The following MPDZ variants were observed in gnomAD, a reference collection of about 807,000 sequenced individuals.
MPDZ encodes the protein multiple PDZ domain protein.
In MPDZ, 234 loss-of-function variants were observed where a neutral mutation model predicts 239.1. The ratio of observed to expected loss-of-function variants is 0.98; its 90% CI spans 0.88 to 1.09. The LOEUF (loss-of-function observed/expected upper bound fraction) is 1.09, where lower values mean the gene tolerates loss of function less well. Among genes scored for constraint, MPDZ ranks in the 50% least tolerant of loss-of-function variants. MPDZ has a pLI of 0.00. For missense variants in MPDZ, 3,175 were observed against 2,510.0 expected, an observed-to-expected ratio of 1.26 and a Z score of -5.66; for synonymous variants, 1,048 against 881.3, an observed-to-expected ratio of 1.19 and a Z score of -3.35.
chr9:13,180,546 GA>G (rs201698893), intron 19 of MPDZ, among the ~76,000 whole-genome samples: 38 of 149,890 alleles, frequency 2.5e-4, no homozygotes, highest in South Asian at 4.2e-4. Flanking sequence ...ATCAAAATAG[GA>G]AAAAAAAATG....
chr9:13,195,852 A>G (rs1205944583), intron 13 of MPDZ, among the ~76,000 whole-genome samples: 1 of 152,152 alleles, frequency 6.6e-6, no homozygotes, highest in Non-Finnish European at 1.5e-5. Context: ...CCTTGTGTCT[A>G]TATTATTCAT....
intron 1 of MPDZ, among the ~76,000 whole-genome samples, chr9:13,277,894 G>A (rs1282123113): frequency 1.3e-5 from 2 of 152,048 alleles, no homozygotes; most frequent in Non-Finnish European, 2.9e-5. Context: ...AAACACTATT[G>A]TTTGCCAAAA....
chr9:13,196,325 T>C, intron 12 of MPDZ, 95 bp from the exon 13 acceptor site: 2 of 781,640 alleles, frequency 2.6e-6, no homozygotes, highest in Non-Finnish European at 4.2e-6. Context: ...GAACCCGCTG[T>C]ATCACGTCAG....
chr9:13,183,651 A>C, intron 18 of MPDZ, 66 bp from the exon 19 acceptor site: 1 of 1,519,248 alleles, frequency 6.6e-7, no homozygotes, highest in Non-Finnish European at 9.0e-7. Context: ...AACAATCTCC[A>C]CTTGAGACTA....
At chr9:13,237,510 T>C (rs1244611692) in intron 3 of MPDZ, among the ~76,000 whole-genome samples, 1 of 147,824 alleles carries the variant, frequency 6.8e-6, no homozygotes, top group Non-Finnish European at 1.5e-5. Flanking sequence ...ATAAATTCAA[T>C]GATTGTCTCA....
intron 1 of MPDZ, among the ~76,000 whole-genome samples, chr9:13,264,860 T>C (rs1350451330): frequency 1.3e-5 from 2 of 152,182 alleles, no homozygotes; most frequent in Non-Finnish European, 2.9e-5. Flanking sequence ...AGAATTAAGA[T>C]TTGGCCTCTT....
chr9:13,110,562 A>T, intron 44 of MPDZ, 74 bp downstream of exon 44: 2 of 956,560 alleles, frequency 2.1e-6, no homozygotes, highest in Non-Finnish European at 3.3e-6. Flanking sequence ...AATCATTTTT[A>T]CTGCTTTAAC....
intron 38 of MPDZ, 120 bp from the exon 39 acceptor site, chr9:13,119,769 G>C: frequency 8.8e-7 from 1 of 1,132,854 alleles, no homozygotes; most frequent in Non-Finnish European, 1.3e-6. Context: ...TAAAAGTTTT[G>C]TTATTTGGAG....
rs71331533 is a variant in MPDZ, at chr9:13,240,580, TAAAAAAAAAAAAA to T, written c.183+7042_183+7054del. ...CAGAAACAGTGTAACATAATAAAAG[TAAAAAAAAAAAAA>T]AAAAAAAAAAAAAAAGACTGGCTTC... On this transcript the variant is annotated intron_variant, in intron 3 of 46. Transcript: ENST00000319217. Among the ~76,000 whole-genome samples the T allele has an allele frequency of 5.0e-4, 22 of 44,014 alleles. 2 individuals carry two copies. The highest frequency in any genetic ancestry group is 1.7e-3 in the South Asian group (1 of 594). The allele number at this position is 44,014 out of a possible 152,430, so 28.9% of individuals were successfully genotyped here. A position where few individuals can be genotyped will look rare whatever the true frequency, so the allele number is the denominator to read the frequency against.
intron 1 of MPDZ, among the ~76,000 whole-genome samples, chr9:13,262,145 A>G (rs1436312577): frequency 1.3e-5 from 2 of 152,140 alleles, no homozygotes; most frequent in African/African-American, 4.8e-5. Context: ...ATATTTATAA[A>G]TAGTAAAAAT....
rs200960974 is a variant in MPDZ, at chr9:13,210,429, T to TC, written c.1291-4331_1291-4330insG. On this transcript the variant is annotated intron_variant, in intron 10 of 46. Coordinates refer to ENST00000319217, the MANE Select transcript of MPDZ (RefSeq NM_001378778.1). ...AGAAAAACTTAAGAGGAAGTTTTTT[T>TC]TTTTTTTTAAGAGGAAAGAATGCTA... is the stretch of plus-strand genomic sequence containing the variant. Among the ~76,000 whole-genome samples, 841 of 152,150 alleles carry TC rather than the reference T, an allele frequency of 5.5e-3. 7 individuals carry two copies. The highest frequency in any genetic ancestry group is 0.019 in the African/African-American group (807 of 41,528).
intron 32 of MPDZ, among the ~76,000 whole-genome samples, chr9:13,133,414 T>C (rs139784873): frequency 1.6e-4 from 25 of 152,346 alleles, no homozygotes; most frequent in African/African-American, 6.0e-4. Flanking sequence ...CACTTCTAAA[T>C]ATATGAGCTT....
At chr9:13,222,956 A>T (rs1335995108) in intron 5 of MPDZ, among the ~76,000 whole-genome samples, 1 of 151,872 alleles carries the variant, frequency 6.6e-6, no homozygotes, top group African/African-American at 2.4e-5. Context: ...AAATATACTC[A>T]AAAAAAATAA....
At chr9:13,171,218 A>C (rs908262637) in intron 21 of MPDZ, among the ~76,000 whole-genome samples, 4 of 152,310 alleles carry the variant, frequency 2.6e-5, no homozygotes, top group African/African-American at 9.6e-5. Flanking sequence ...TCACAAAACT[A>C]AAAACAAAAC....
chr9:13,120,979 C>T (rs1944255345), intron 38 of MPDZ, among the ~76,000 whole-genome samples: 4 of 152,130 alleles, frequency 2.6e-5, no homozygotes. Context: ...GCTTATAATA[C>T]TAAAAGGAAG....
In MPDZ at chr9:13,109,963, C is replaced by T. The variant is rs372873246; in HGVS notation, c.5931G>A (p.Gln1977=). Residue 1977 remains glutamine, a synonymous_variant, in exon 45 of 47, where the codon CAG becomes CAA. Transcript: ENST00000319217. The stretch of plus-strand genomic sequence containing the variant: ...ATGTATGAACTCACCCTAAATCATC[C>T]TGAAATATACTGCTTGACGTCAGCC... ...FTGLTSSSIF[Q]DDLGPPQCKS... The T allele has an allele frequency of 6.2e-7, 1 of 1,612,286 alleles. No homozygotes were observed.
chr9:13,229,100 T>G (rs1961582787), intron 3 of MPDZ, among the ~76,000 whole-genome samples: 1 of 152,168 alleles, frequency 6.6e-6, no homozygotes, highest in Admixed American at 6.6e-5. Flanking sequence ...TAATTTATCT[T>G]TAGTTCTATA....
intron 24 of MPDZ, among the ~76,000 whole-genome samples, chr9:13,151,158 A>C (rs1184582163): frequency 6.6e-6 from 1 of 152,082 alleles, no homozygotes; most frequent in East Asian, 1.9e-4. Flanking sequence ...ACACACACAC[A>C]CACAAATTAA....
intron 1 of MPDZ, among the ~76,000 whole-genome samples, chr9:13,254,893 T>C (rs2138322249): frequency 6.6e-6 from 1 of 152,316 alleles, no homozygotes; most frequent in Middle Eastern, 3.4e-3. Flanking sequence ...GGGTGGTGGT[T>C]GCTGAAGGCT....
Sources: gnomAD v4.1 joint callset for allele counts (sites outside exome capture counted in the v4.1 genomes callset) on GRCh38, gnomAD v4.1.1 for gene constraint, MANE v1.5 for transcripts, NCBI Gene and HGNC (gene_info 2026-07-23, HGNC 2026-07-21) for gene names.